The following TIMM17A variants were observed in gnomAD, a reference collection of about 807,000 sequenced individuals.
TIMM17A encodes the protein translocase of inner mitochondrial membrane 17A.
Under a neutral mutation model 26.5 loss-of-function variants are expected in TIMM17A, and 15 were observed. The ratio of observed to expected loss-of-function variants is 0.57; its 90% CI spans 0.38 to 0.87. TIMM17A has a LOEUF of 0.87. Ranked by LOEUF, TIMM17A falls within the 40% of genes least tolerant of loss-of-function variation. The pLI, the probability that TIMM17A is intolerant of heterozygous loss-of-function variation, is 0.00. For missense variants in TIMM17A, 201 were observed against 210.0 expected (o/e 0.96, Z 0.27); for synonymous variants, 80 against 70.8 (o/e 1.13, Z -0.66).
In TIMM17A at chr1:201,957,296, G is replaced by A. The variant is rs1289973689; in HGVS notation, c.42G>A (p.Val14=). Residue 14 remains valine, a synonymous_variant, in exon 2 of 6, where the codon GTG becomes GTA. Transcript: ENST00000367287. ...CTGTTCTTAGCCCATGGCGAATTGTGGATGACTGTGGTGGGGCCTTTACGA... is the reference window on the plus strand; with the variant it reads ...CTGTTCTTAGCCCATGGCGAATTGTAGATGACTGTGGTGGGGCCTTTACGA... ...YAREPCPWRI[V]DDCGGAFTMG... The A allele has an allele frequency of 6.2e-7, 1 of 1,611,900 alleles. No individual in the cohort carries two copies.
intron 3 of TIMM17A, among the ~76,000 whole-genome samples, chr1:201,959,489 A>C (rs1682484235): frequency 6.6e-6 from 1 of 150,560 alleles, no homozygotes; most frequent in South Asian, 2.1e-4. Flanking sequence ...CCCCATGTCT[A>C]CTAAAAATAC....
chr1:201,963,661 G>T lies in TIMM17A; in HGVS notation c.236G>T (p.Ser79Ile), dbSNP rs1162321670. 9 of 1,611,386 alleles carry T rather than the reference G, an allele frequency of 5.6e-6. No homozygotes were observed. Among genetic ancestry groups the T allele is most frequent in the African/African-American group, 1.3e-5 (1 of 74,754 alleles). Reference protein sequence around the residue: ...WGGLFSMIDCSMVQVRGKEDP... With the variant: ...WGGLFSMIDCIMVQVRGKEDP... Reference sequence around the variant, plus strand: ...GGGCTGTTTTCCATGATTGACTGTAGTATGGTTCAAGTCAGAGGAAAGGAA... The same window carrying T: ...GGGCTGTTTTCCATGATTGACTGTATTATGGTTCAAGTCAGAGGAAAGGAA... The change falls in exon 4 of 6, where the codon AGT (serine) becomes ATT (isoleucine). Residue 79 changes from serine to isoleucine, a missense_variant. Physicochemically the swap from Ser to Ile is moderately radical, Grantham distance 142. Coordinates refer to ENST00000367287, the MANE Select transcript of TIMM17A (RefSeq NM_006335.3).
At chr1:201,969,419 T>A (rs1682692903) in intron 5 of TIMM17A, 50 bp from the exon 6 acceptor site, 2 of 1,388,116 alleles carry the variant, frequency 1.4e-6, no homozygotes, top group African/African-American at 1.4e-5. Context: ...TTCTTTTTAA[T>A]AATATAATAT....
At position 201,961,056 on chromosome 1, in the gene TIMM17A, C is replaced by G. The variant is rs899968909; in HGVS notation, c.191-2560C>G. On this transcript the variant is annotated intron_variant, in intron 3 of 5. Transcript: ENST00000367287. Reference sequence around the variant, plus strand: ...TGAGCCACCACGCCCGGACTTAGGTCTTATATTTTCTTTTTTTTTTTTTTT... The same window carrying G: ...TGAGCCACCACGCCCGGACTTAGGTGTTATATTTTCTTTTTTTTTTTTTTT... 3.5e-5 allele frequency among the ~76,000 whole-genome samples: 5 copies of G among 144,014 alleles called. No individual in the cohort carries two copies. In the Admixed American group the frequency reaches 3.6e-4, roughly 10 times the overall value. 94.5% of individuals were successfully genotyped at this position (144,014 alleles called of 152,430 possible). A position where few individuals can be genotyped will look rare whatever the true frequency, so the allele number is the denominator to read the frequency against.
At chr1:201,962,334 C>T (rs1682547888) in intron 3 of TIMM17A, 1 of 152,148 alleles carries the variant, frequency 6.6e-6, no homozygotes, top group South Asian at 2.1e-4. Flanking sequence ...CTGGTACTAT[C>T]CACTGGATTT....
At chr1:201,967,015 G>GTGTGTGTGTGTGTA (rs59893489) in intron 5 of TIMM17A, among the ~76,000 whole-genome samples, 6,030 of 118,536 alleles carry the variant, frequency 0.051, 278 homozygotes, top group African/African-American at 0.13. Flanking sequence ...GTGTGTGTGT[G>GTGTGTGTGTGTGTA]TATATATATA....
At chr1:201,967,516 T>TTTTTATTTATTTA (rs1338749428) in intron 5 of TIMM17A, among the ~76,000 whole-genome samples, 11 of 151,366 alleles carry the variant, frequency 7.3e-5, no homozygotes, top group African/African-American at 1.2e-4. Context: ...GGGAATCTCC[T>TTTTTATTTATTTA]TTTTATTTAT....
intron 5 of TIMM17A, among the ~76,000 whole-genome samples, chr1:201,967,580 T>C (rs1326095365): frequency 1.3e-5 from 2 of 152,064 alleles, no homozygotes; most frequent in East Asian, 3.8e-4. Context: ...AGAATCTCTG[T>C]GACCCCGGCT....
chr1:201,969,596 T>G lies in TIMM17A; in HGVS notation c.*42T>G. 6.6e-7 allele frequency: 1 copy of G among 1,523,048 alleles called. No homozygotes were observed. 94.3% of individuals were successfully genotyped at this position (1,523,048 alleles called of 1,614,324 possible). A position where few individuals can be genotyped will look rare whatever the true frequency, so the allele number is the denominator to read the frequency against. On this transcript the variant is annotated 3_prime_UTR_variant, in exon 6 of 6. Transcript: ENST00000367287. ...TTTCTTTAACAGAACGAGTTGTGGTTCGAGAAGGATTTCAGAAGATCAAGT... is the reference window on the plus strand; with the variant it reads ...TTTCTTTAACAGAACGAGTTGTGGTGCGAGAAGGATTTCAGAAGATCAAGT...
intron 1 of TIMM17A, among the ~76,000 whole-genome samples, chr1:201,956,368 G>T (rs552453792): frequency 1.3e-5 from 2 of 152,188 alleles, no homozygotes; most frequent in South Asian, 2.1e-4. Flanking sequence ...TTGTTTTATT[G>T]TGTAAGAGCA....
intron 3 of TIMM17A, among the ~76,000 whole-genome samples, chr1:201,959,343 A>C (rs1262868860): frequency 6.7e-6 from 1 of 149,648 alleles, no homozygotes; most frequent in Non-Finnish European, 1.5e-5. Flanking sequence ...GTGACAGAGC[A>C]AGACTCTGTC....
chr1:201,961,211 G>A (rs1438169751), intron 3 of TIMM17A, among the ~76,000 whole-genome samples: 1 of 151,968 alleles, frequency 6.6e-6, no homozygotes, highest in Non-Finnish European at 1.5e-5. Flanking sequence ...GATTACAGGC[G>A]CATGCCGCCA....
In TIMM17A at chr1:201,969,511, A is replaced by G. The variant is rs545590161; in HGVS notation, c.473A>G (p.Gln158Arg). The change falls in exon 6 of 6, where the codon CAG (glutamine) becomes CGG (arginine). Residue 158 changes from glutamine (Q) to arginine (R), a missense_variant. Coordinates refer to ENST00000367287, the MANE Select transcript of TIMM17A (RefSeq NM_006335.3). ...GACCCCTCCCAGTTGCCTTCAACTC[A>G]GTTACCTTCCTCACCTTTTGGAGAC... ...AEDPSQLPST[Q>R]LPSSPFGDYR... 3 of 1,614,064 alleles carry G rather than the reference A, an allele frequency of 1.9e-6. No homozygotes were observed. The highest frequency in any genetic ancestry group is 2.7e-5 in the African/African-American group (2 of 75,060).
Position 201,965,424 on chromosome 1 carries a change from T to C in TIMM17A, c.320-9T>C, listed in dbSNP as rs1400661727. 2 of 1,569,240 alleles carry C rather than the reference T, an allele frequency of 1.3e-6. No individual in the cohort carries two copies. Among genetic ancestry groups the C allele is most frequent in the Non-Finnish European group, 8.8e-7 (1 of 1,138,970 alleles). On this transcript the variant is annotated splice_polypyrimidine_tract_variant and intron_variant, in intron 4 of 5. Coordinates refer to ENST00000367287, the MANE Select transcript of TIMM17A (RefSeq NM_006335.3). ...TAAAAAATAATCTCTTTGTTATTAA[T>C]GTCTTCAGATGGACCAGTGGCCATG...
intron 1 of TIMM17A, among the ~76,000 whole-genome samples, chr1:201,955,887 T>C (rs1682400707): frequency 6.6e-6 from 1 of 152,172 alleles, no homozygotes; most frequent in Non-Finnish European, 1.5e-5. Flanking sequence ...TAATCCCCCC[T>C]GTTCGTCGAG....
chr1:201,970,234 A>G lies in TIMM17A; in HGVS notation c.*680A>G, dbSNP rs886140412. On this transcript the variant is annotated 3_prime_UTR_variant, in exon 6 of 6. Coordinates refer to ENST00000367287, the MANE Select transcript of TIMM17A (RefSeq NM_006335.3). ...GATCATCAGAAATTTCACCAGAAAC[A>G]ACTTGCTTCCAATATACCCAATTCT... 1 of 152,264 alleles carries G rather than the reference A, an allele frequency of 6.6e-6. No homozygotes were observed. The highest frequency in any genetic ancestry group is 2.4e-5 in the African/African-American group (1 of 41,466). 9.4% of individuals were successfully genotyped at this position (152,264 alleles called of 1,614,324 possible).
intron 4 of TIMM17A, 60 bp from the exon 5 acceptor site, chr1:201,965,373 A>C: frequency 2.5e-6 from 3 of 1,185,506 alleles, no homozygotes; most frequent in Non-Finnish European, 3.8e-6. Context: ...CTTCTTTACT[A>C]TCTCTTACAG....
At chr1:201,955,716 C>T (rs923644286) in intron 1 of TIMM17A, among the ~76,000 whole-genome samples, 164 bp downstream of exon 1, 1 of 152,244 alleles carries the variant, frequency 6.6e-6, no homozygotes, top group Non-Finnish European at 1.5e-5. Context: ...GGCTTCTTAG[C>T]CCTGTACTTA....
chr1:201,962,211 G>A (rs1027064042), intron 3 of TIMM17A: 4 of 152,140 alleles, frequency 2.6e-5, no homozygotes, highest in African/African-American at 4.8e-5. Flanking sequence ...AGACGTCATA[G>A]CTCTCTCCCA....
Sources: gnomAD v4.1 joint callset for allele counts (sites outside exome capture counted in the v4.1 genomes callset) on GRCh38, gnomAD v4.1.1 for gene constraint, MANE v1.5 for transcripts, NCBI Gene and HGNC (gene_info 2026-07-23, HGNC 2026-07-21) for gene names.